The following POLR3F variants were observed in gnomAD, a reference collection of about 807,000 sequenced individuals.
POLR3F encodes DNA-directed RNA polymerase III subunit RPC6.
POLR3F carries 31 observed loss-of-function variants against 43.6 expected under a neutral mutation model. That is an observed-to-expected ratio of 0.71 (90% CI 0.53 to 0.96). POLR3F has a LOEUF of 0.96. Among genes scored for constraint, POLR3F ranks in the 40% least tolerant of loss-of-function variants. The probability of loss-of-function intolerance (pLI) is 0.00; values close to 1 mark genes in which losing one functional copy is unlikely to be tolerated. For synonymous variants in POLR3F, 114 were observed against 132.5 expected (o/e 0.86, Z 0.96); for missense variants, 316 against 391.7 (o/e 0.81, Z 1.63).
chr20:18,483,531 T>C lies in POLR3F; in HGVS notation c.924T>C (p.Ile308=). 6.5e-7 allele frequency: 1 copy of C among 1,535,262 alleles called. No individual in the cohort carries two copies. Among genetic ancestry groups the C allele is most frequent in the East Asian group, 2.3e-5 (1 of 43,742 alleles). ...EGGEISPSNC[I]YMTEWLEF ...GTGAGATTTCACCATCTAACTGTAT[T>C]TACATGACAGAGTGGCTCGAATTTT... Residue 308 remains isoleucine, a synonymous_variant, in exon 9 of 9, where the codon ATT becomes ATC. Transcript: ENST00000377603.
At chr20:18,467,815 G>A (rs1359202842) in intron 1 of POLR3F, 10 of 694,614 alleles carry the variant, frequency 1.4e-5, no homozygotes, top group African/African-American at 3.6e-5. Context: ...ATACTTTTGG[G>A]GAAGTTGTGA....
At chr20:18,468,818 A>G in intron 1 of POLR3F, 126 bp from the exon 2 acceptor site, 1 of 633,740 alleles carries the variant, frequency 1.6e-6, no homozygotes, top group Non-Finnish European at 2.9e-6. Flanking sequence ...AAACCATCAC[A>G]GAAACCCAGA....
At chr20:18,470,402 T>A (rs2059743198) in intron 2 of POLR3F, among the ~76,000 whole-genome samples, 1 of 152,256 alleles carries the variant, frequency 6.6e-6, no homozygotes, top group Non-Finnish European at 1.5e-5. Flanking sequence ...GCCATATGAT[T>A]TCTGTCACAA....
At chr20:18,470,587 G>A (rs996045251) in intron 2 of POLR3F, 1 of 154,874 alleles carries the variant, frequency 6.5e-6, no homozygotes, top group African/African-American at 2.4e-5. Context: ...TCACTGTGGT[G>A]AAGGTCTTCA....
At chr20:18,478,160 C>A (rs2059790217) in intron 5 of POLR3F, among the ~76,000 whole-genome samples, 1 of 152,000 alleles carries the variant, frequency 6.6e-6, no homozygotes, top group South Asian at 2.1e-4. Flanking sequence ...TTGGGAAATT[C>A]CAAAGATGTA....
In POLR3F at chr20:18,475,154, T is replaced by A; in HGVS notation, c.396T>A (p.Ser132Arg). The change falls in exon 5 of 9, where the codon AGT becomes AGA. Residue 132 changes from serine (S) to arginine (R), a missense_variant. Coordinates refer to ENST00000377603, the MANE Select transcript of POLR3F (RefSeq NM_006466.4). The stretch of plus-strand genomic sequence containing the variant: ...ACAAAATTCTGAAGAATCTGGAAAG[T>A]AAAAAGCTTATCAAAGCTGTTAAGT... ...EINKILKNLESKKLIKAVKSV... is the reference protein window; with the variant it reads ...EINKILKNLERKKLIKAVKSV... 1 of 1,519,176 alleles carries A rather than the reference T, an allele frequency of 6.6e-7. No individual in the cohort carries two copies. Among genetic ancestry groups the A allele is most frequent in the African/African-American group, 1.4e-5 (1 of 73,146 alleles). 94.1% of individuals were successfully genotyped at this position (1,519,176 alleles called of 1,614,324 possible).
intron 5 of POLR3F, 40 bp from the exon 6 acceptor site, chr20:18,479,998 T>C (rs767552099): frequency 1.3e-6 from 2 of 1,509,170 alleles, no homozygotes; most frequent in Non-Finnish European, 1.8e-6. Flanking sequence ...TTGGAAATTG[T>C]TATCTTATAA....
chr20:18,480,965 G>A (rs1209337074), intron 7 of POLR3F, among the ~76,000 whole-genome samples: 1 of 152,116 alleles, frequency 6.6e-6, no homozygotes, highest in Non-Finnish European at 1.5e-5. Flanking sequence ...TAGGAACTTG[G>A]ACTATTTGAT....
At chr20:18,475,751 G>C (rs562482074) in intron 5 of POLR3F, among the ~76,000 whole-genome samples, 2 of 152,274 alleles carry the variant, frequency 1.3e-5, no homozygotes, top group South Asian at 2.1e-4. Flanking sequence ...CATTTCATAA[G>C]AATTACAGCT....
At chr20:18,478,422 C>T (rs1023319455) in intron 5 of POLR3F, among the ~76,000 whole-genome samples, 1 of 151,966 alleles carries the variant, frequency 6.6e-6, no homozygotes, top group African/African-American at 2.4e-5. Flanking sequence ...ACTATGTTAC[C>T]CAGGCCTGTC....
chr20:18,473,597 C>G, intron 4 of POLR3F, 139 bp downstream of exon 4: 1 of 452,366 alleles, frequency 2.2e-6, no homozygotes. Flanking sequence ...ATATAACATG[C>G]ATGTGCTTGA....
At chr20:18,479,006 A>G (rs557870848) in intron 5 of POLR3F, among the ~76,000 whole-genome samples, 48 of 152,196 alleles carry the variant, frequency 3.2e-4, no homozygotes, top group African/African-American at 1.2e-3. Context: ...TTAGCTGGGC[A>G]TAGTGACGGG....
intron 4 of POLR3F, 75 bp from the exon 5 acceptor site, chr20:18,475,000 G>A (rs1009671036): frequency 5.8e-6 from 4 of 687,258 alleles, no homozygotes; most frequent in Non-Finnish European, 1.0e-5. Flanking sequence ...TTTGGAATGA[G>A]ACACAAGTTA....
rs1389362415 is a variant in POLR3F, at chr20:18,472,851, G to A, written c.190G>A (p.Asp64Asn). The A allele has an allele frequency of 3.5e-6, 5 of 1,441,878 alleles. No homozygotes were observed. In the East Asian group the frequency reaches 1.2e-4, roughly 35 times the overall value. 89.3% of individuals were successfully genotyped at this position (1,441,878 alleles called of 1,614,324 possible). A position where few individuals can be genotyped will look rare whatever the true frequency, so the allele number is the denominator to read the frequency against. ...CTGTCTTAAAAACTAGGGTCAGTTGGATCTCTTAAGGAGCAATACGGGCCT... is the reference window on the plus strand; with the variant it reads ...CTGTCTTAAAAACTAGGGTCAGTTGAATCTCTTAAGGAGCAATACGGGCCT... ...INRLLSMGQL[D>N]LLRSNTGLLY... Residue 64 changes from aspartate (D) to asparagine (N), a missense_variant, in exon 3 of 9, where the codon GAT (aspartate) becomes AAT (asparagine). Physicochemically the swap from Asp to Asn is conservative, Grantham distance 23 (BLOSUM62 1). This residue lies in a region of POLR3F where 122 missense variants were observed against 133.8 expected (regional missense o/e 0.91). Transcript: ENST00000377603.
At position 18,480,024 on chromosome 20, in the gene POLR3F, A is replaced by G. The variant is rs1443980691; in HGVS notation, c.430-14A>G. On this transcript the variant is annotated splice_polypyrimidine_tract_variant and intron_variant, in intron 5 of 8. Coordinates refer to ENST00000377603, the MANE Select transcript of POLR3F (RefSeq NM_006466.4). ...TATCTTATAAACACATGAACTGTGC[A>G]TGTTCTTTCCTAGGCCTCAAAAAAG... is the stretch of plus-strand genomic sequence containing the variant. 3 of 1,581,358 alleles carry G rather than the reference A, an allele frequency of 1.9e-6. No individual in the cohort carries two copies. Among genetic ancestry groups the G allele is most frequent in the Non-Finnish European group, 1.7e-6 (2 of 1,164,442 alleles).
chr20:18,472,767 G>A, intron 2 of POLR3F, 75 bp from the exon 3 acceptor site: 5 of 695,528 alleles, frequency 7.2e-6, no homozygotes. Flanking sequence ...GTTAAAGAAT[G>A]CATCAACATT....
In POLR3F at chr20:18,480,168, T is replaced by A; in HGVS notation, c.560T>A (p.Phe187Tyr). Residue 187 changes from phenylalanine (F) to tyrosine (Y), a missense_variant, in exon 6 of 9, where the codon TTC (phenylalanine) becomes TAC (tyrosine). Physicochemically the swap from Phe to Tyr is conservative, Grantham distance 22. Coordinates refer to ENST00000377603, the MANE Select transcript of POLR3F (RefSeq NM_006466.4). Reference protein sequence around the residue: ...VEVLNQQCFKFLQSKAETARE... With the variant: ...VEVLNQQCFKYLQSKAETARE... ...GTGCTTAACCAACAGTGTTTTAAAT[T>A]CCTACAGTCCAAGGTGAGGTATGAT... The A allele has an allele frequency of 1.2e-6, 2 of 1,612,502 alleles. No individual in the cohort carries two copies. Among genetic ancestry groups the A allele is most frequent in the Non-Finnish European group, 1.7e-6 (2 of 1,178,944 alleles).
chr20:18,471,347 A>G (rs1426695940), intron 2 of POLR3F, among the ~76,000 whole-genome samples: 1 of 152,196 alleles, frequency 6.6e-6, no homozygotes, highest in African/African-American at 2.4e-5. Context: ...GTCTCCAGGA[A>G]GTCACTGAAC....
chr20:18,477,345 C>T (rs1395716942), intron 5 of POLR3F, among the ~76,000 whole-genome samples: 1 of 152,140 alleles, frequency 6.6e-6, no homozygotes. Flanking sequence ...TCATACATTG[C>T]TAAGAATGCA....
Sources: allele counts gnomAD v4.1 joint callset (sites outside exome capture counted in the v4.1 genomes callset), GRCh38; gene constraint gnomAD v4.1.1; regional missense constraint gnomAD v4.1.1; transcripts MANE v1.5; gene names NCBI Gene and HGNC (gene_info 2026-07-23, HGNC 2026-07-21).